Variants in KIAA1755 observed in about 807,000 individuals in gnomAD.
KIAA1755 encodes the protein KIAA1755.
In KIAA1755, 68 loss-of-function variants were observed where a neutral mutation model predicts 91.7. That is an observed-to-expected ratio of 0.74 (90% CI 0.61 to 0.91). The LOEUF is 0.91. Among genes scored for constraint, KIAA1755 ranks in the 40% least tolerant of loss-of-function variants. The pLI, the probability that KIAA1755 is intolerant of heterozygous loss-of-function variation, is 0.00. For missense variants in KIAA1755, 1,535 were observed against 1,494.4 expected, an observed-to-expected ratio of 1.03 and a Z score of -0.45; for synonymous variants, 610 against 604.6, an observed-to-expected ratio of 1.01 and a Z score of -0.13.
chr20:38,228,996 C>T (rs893591319), intron 5 of KIAA1755, among the ~76,000 whole-genome samples: 2 of 152,194 alleles, frequency 1.3e-5, no homozygotes, highest in African/African-American at 4.8e-5. Flanking sequence ...ATTCCTCACC[C>T]TACTCCTCTC....
At chr20:38,217,034 G>A (rs758149789) in intron 13 of KIAA1755, 13 of 655,846 alleles carry the variant, frequency 2.0e-5, no homozygotes, top group African/African-American at 3.5e-5. Context: ...ATGAGCCTCC[G>A]ACTGTGTCTG....
chr20:38,228,022 G>T, intron 6 of KIAA1755, 125 bp downstream of exon 6: 1 of 567,258 alleles, frequency 1.8e-6, no homozygotes, highest in Non-Finnish European at 2.9e-6. Context: ...TCTGTTGGCT[G>T]CAGTAAAAGT....
chr20:38,227,286 G>A, intron 6 of KIAA1755, 46 bp from the exon 7 acceptor site: 1 of 1,464,782 alleles, frequency 6.8e-7, no homozygotes, highest in Non-Finnish European at 9.5e-7. Flanking sequence ...AAGGCTTCAT[G>A]AAGCCTCACA....
At chr20:38,245,757 TG>T (rs1388140175) in intron 2 of KIAA1755, among the ~76,000 whole-genome samples, 171 bp downstream of exon 2, 2 of 152,158 alleles carry the variant, frequency 1.3e-5, no homozygotes, top group Non-Finnish European at 2.9e-5. Context: ...CCCTTCGATC[TG>T]GGGGGCTGAT....
rs760686775 is a variant in KIAA1755 at position 38,213,153 on chromosome 20, G to T, written c.3492C>A (p.Pro1164=). ...TGAGGCGAGGGACCTGGCTCTGCCT[G>T]GGGGGCTGCTGCCGGAAGAAGGTGG... ...LATTFFRQQP[P]RQSQVPRLTG... Residue 1164 remains proline (P), a synonymous_variant, in exon 14 of 14, where the codon CCC becomes CCA. Coordinates refer to ENST00000279024, the MANE Select transcript of KIAA1755 (RefSeq NM_001029864.2). 6.2e-7 allele frequency: 1 copy of T among 1,613,322 alleles called. No individual in the cohort carries two copies. The highest frequency in any genetic ancestry group is 8.5e-7 in the Non-Finnish European group (1 of 1,179,722).
intron 1 of KIAA1755, 116 bp downstream of exon 1, chr20:38,260,382 G>C: frequency 6.2e-7 from 1 of 1,602,214 alleles, no homozygotes; most frequent in Non-Finnish European, 8.5e-7. Context: ...CCAAGGCACT[G>C]AGGGTCGTCT....
chr20:38,244,797 C>CTCCTGGG (rs1208258933), intron 2 of KIAA1755, among the ~76,000 whole-genome samples: 7 of 152,176 alleles, frequency 4.6e-5, no homozygotes. Context: ...CAACCTCTGC[C>CTCCTGGG]TCCTGGGTTC....
chr20:38,240,599 G>A lies in KIAA1755; in HGVS notation c.1532C>T (p.Ala511Val). Residue 511 changes from alanine (A) to valine (V), a missense_variant, in exon 3 of 14, where the codon GCC becomes GTC. By Grantham distance (64) the Ala-to-Val change is moderately conservative (BLOSUM62 0). Coordinates refer to ENST00000279024, the MANE Select transcript of KIAA1755 (RefSeq NM_001029864.2). ...CATCTTACCTTTCCCCAAAGATTTGGCTCGGTTGGGTTTAGGAGAGTAGAG... is the reference window on the plus strand; with the variant it reads ...CATCTTACCTTTCCCCAAAGATTTGACTCGGTTGGGTTTAGGAGAGTAGAG... ...CSLYSPKPNRAKSLGKAGTTQ... is the reference protein window; with the variant it reads ...CSLYSPKPNRVKSLGKAGTTQ... 1 of 1,484,720 alleles carries A rather than the reference G, an allele frequency of 6.7e-7. No individual in the cohort carries two copies. Among genetic ancestry groups the A allele is most frequent in the Non-Finnish European group, 9.0e-7 (1 of 1,116,494 alleles). 92.0% of individuals were successfully genotyped at this position (1,484,720 alleles called of 1,614,324 possible).
intron 4 of KIAA1755, among the ~76,000 whole-genome samples, chr20:38,238,931 C>A (rs2076005091): frequency 6.6e-6 from 1 of 152,200 alleles, no homozygotes; most frequent in African/African-American, 2.4e-5. Context: ...TCTGAAGAAG[C>A]ACTCTGGGCT....
At chr20:38,243,993 C>T (rs989330596) in intron 2 of KIAA1755, among the ~76,000 whole-genome samples, 4 of 152,116 alleles carry the variant, frequency 2.6e-5, no homozygotes, top group Non-Finnish European at 5.9e-5. Flanking sequence ...CAGTGATGAG[C>T]TTGGATTTGA....
At position 38,218,392 on chromosome 20, in the gene KIAA1755, C is replaced by T. The variant is rs757097353; in HGVS notation, c.2557-26G>A. On this transcript the variant is annotated intron_variant, in intron 11 of 13. Transcript: ENST00000279024. Reference sequence around the variant, plus strand: ...CTGGGGCAGGAGAGGCAGATTTGGACATGAGGGGCTGCTAGGAGACCTCCC... The same window carrying T: ...CTGGGGCAGGAGAGGCAGATTTGGATATGAGGGGCTGCTAGGAGACCTCCC... 5.0e-6 allele frequency: 8 copies of T among 1,613,072 alleles called. No individual in the cohort carries two copies. The Admixed American group carries it at 1.2e-4, about 24-fold the overall frequency.
intron 9 of KIAA1755, 122 bp from the exon 10 acceptor site, chr20:38,222,719 C>A: frequency 9.8e-7 from 1 of 1,019,042 alleles, no homozygotes; most frequent in Non-Finnish European, 1.5e-6. Flanking sequence ...TCCAGAAAGT[C>A]TGTCATTTCT....
intron 1 of KIAA1755, chr20:38,260,013 G>C: frequency 4.6e-6 from 1 of 216,068 alleles, no homozygotes; most frequent in South Asian, 7.5e-5. Context: ...CCCAAGTTTT[G>C]GTAAGCAGTT....
Position 38,241,231 on chromosome 20 carries a change from A to C in KIAA1755, c.900T>G (p.Cys300Trp), listed in dbSNP as rs778997414. 8.1e-6 allele frequency: 13 copies of C among 1,613,964 alleles called. No homozygotes were observed. In the African/African-American group the frequency reaches 1.2e-4, roughly 15 times the overall value. ...PSREAGTSSG[C>W]TSGALEEIAG... ...CTATCTCCTCTAGTGCCCCAGAAGT[A>C]CACCCACTGGATGTGCCTGCCTCCC... The change falls in exon 3 of 14, where the codon TGT becomes TGG. Residue 300 changes from cysteine (C) to tryptophan (W), a missense_variant. By Grantham distance (215) the Cys-to-Trp change is radical. Transcript: ENST00000279024.
At position 38,240,746 on chromosome 20, in the gene KIAA1755, G is replaced by A; in HGVS notation, c.1385C>T (p.Ser462Phe). 1 of 1,581,980 alleles carries A rather than the reference G, an allele frequency of 6.3e-7. No individual in the cohort carries two copies. Among genetic ancestry groups the A allele is most frequent in the South Asian group, 1.2e-5 (1 of 85,534 alleles). ...CCCAGGAGTGGGGGGCTCAGGGGAGGAGGTGTTTCTGCTAGGGCAGGGCAT... is the reference window on the plus strand; with the variant it reads ...CCCAGGAGTGGGGGGCTCAGGGGAGAAGGTGTTTCTGCTAGGGCAGGGCAT... ...KPMPCPSRNT[S>F]SPEPPTPGLK... Residue 462 changes from serine (S) to phenylalanine (F), a missense_variant, in exon 3 of 14, where the codon TCC (serine) becomes TTC (phenylalanine). By Grantham distance (155) the Ser-to-Phe change is radical (BLOSUM62 -2). Coordinates refer to ENST00000279024, the MANE Select transcript of KIAA1755 (RefSeq NM_001029864.2).
chr20:38,215,100 A>G (rs1354853682), intron 13 of KIAA1755, among the ~76,000 whole-genome samples: 2 of 152,186 alleles, frequency 1.3e-5, no homozygotes, highest in Non-Finnish European at 2.9e-5. Flanking sequence ...CTGTCCCATC[A>G]TCTGTCTGTG....
intron 1 of KIAA1755, among the ~76,000 whole-genome samples, chr20:38,252,618 G>C (rs2076270480): frequency 6.6e-6 from 1 of 152,242 alleles, no homozygotes; most frequent in South Asian, 2.1e-4. Context: ...GGGGACTGAC[G>C]ATCCCAGCTG....
Position 38,246,133 on chromosome 20 carries a change from G to A in KIAA1755, c.4-7C>T, listed in dbSNP as rs759539358. ...TGTCGAGGGATGGAGGGTCCTGTGG[G>A]GGACAGGAGGAGGGGGTGATAATAG... On this transcript the variant is annotated splice_polypyrimidine_tract_variant and splice_region_variant and intron_variant, in intron 1 of 13. Coordinates refer to ENST00000279024, the MANE Select transcript of KIAA1755 (RefSeq NM_001029864.2). 3.1e-6 allele frequency: 5 copies of A among 1,610,676 alleles called. No individual in the cohort carries two copies. Among genetic ancestry groups the A allele is most frequent in the Non-Finnish European group, 3.4e-6 (4 of 1,178,758 alleles).
intron 1 of KIAA1755, among the ~76,000 whole-genome samples, chr20:38,258,916 G>C (rs1441984516): frequency 6.6e-6 from 1 of 152,222 alleles, no homozygotes; most frequent in East Asian, 1.9e-4. Flanking sequence ...GGTTCAATGA[G>C]GGGTTTCTAA....
Sources: allele counts gnomAD v4.1 joint callset (sites outside exome capture counted in the v4.1 genomes callset), GRCh38; gene constraint gnomAD v4.1.1; transcripts MANE v1.5; gene names NCBI Gene and HGNC (gene_info 2026-07-23, HGNC 2026-07-21).